The following CSMD2 variants were observed in gnomAD, a reference collection of about 807,000 sequenced individuals.
CSMD2 encodes the protein CUB and Sushi multiple domains 2, also known as CUB and sushi domain-containing protein 2.
In CSMD2, 130 loss-of-function variants were observed where a neutral mutation model predicts 398.5. The observed-to-expected ratio is 0.33, with a 90% CI of 0.28 to 0.38. The LOEUF (loss-of-function observed/expected upper bound fraction) is 0.38, where lower values mean the gene tolerates loss of function less well. CSMD2 is among the 10% of genes least tolerant of loss of function. The pLI is 1.00. For missense variants in CSMD2, 3,829 were observed against 4,764.9 expected (o/e 0.80, Z 5.78); for synonymous variants, 1,828 against 1,908.5 (o/e 0.96, Z 1.10).
In CSMD2 at chr1:33,633,923, T is replaced by A. The variant is rs1279361483; in HGVS notation, c.5087-388A>T. On this transcript the variant is annotated intron_variant, in intron 31 of 70. Coordinates refer to ENST00000373381, the MANE Select transcript of CSMD2 (RefSeq NM_001281956.2). This position sits in a 1 kb window ranked among gnomAD's most constrained non-coding sequence, Gnocchi z 5.0. ...CTCCATGCGATGTCAGGACCCCACATTCATGCGTCCCAACGTCAGTTAGTC... is the reference window on the plus strand; with the variant it reads ...CTCCATGCGATGTCAGGACCCCACAATCATGCGTCCCAACGTCAGTTAGTC... 6.6e-6 allele frequency among the ~76,000 whole-genome samples: 1 copy of A among 152,156 alleles called. No individual in the cohort carries two copies. The highest frequency in any genetic ancestry group is 1.5e-5 in the Non-Finnish European group (1 of 68,006).
chr1:33,996,134 C>T (rs983879437), intron 3 of CSMD2, among the ~76,000 whole-genome samples: 24 of 152,168 alleles, frequency 1.6e-4, no homozygotes, highest in African/African-American at 5.8e-4. Context: ...ACAGAAAATT[C>T]ACAGCAAAGG....
intron 66 of CSMD2, 30 bp downstream of exon 66, chr1:33,524,852 C>T (rs1327896617): frequency 6.2e-7 from 1 of 1,609,832 alleles, no homozygotes; most frequent in Non-Finnish European, 8.5e-7. Context: ...ATCCATCCTC[C>T]CGGCTTTCAT....
At chr1:33,740,026 T>TA (rs1439310763) in intron 14 of CSMD2, among the ~76,000 whole-genome samples, 1 of 152,136 alleles carries the variant, frequency 6.6e-6, no homozygotes, top group Non-Finnish European at 1.5e-5. Flanking sequence ...GAGCCTTAGT[T>TA]TCCTGACTGA....
At chr1:34,084,916 A>ATT (rs2148351117) in intron 2 of CSMD2, among the ~76,000 whole-genome samples, 1 of 152,328 alleles carries the variant, frequency 6.6e-6, no homozygotes, top group South Asian at 2.1e-4. Flanking sequence ...TGCTGCTGTA[A>ATT]AGACACATGT....
chr1:33,995,581 CA>C (rs1414218639), intron 3 of CSMD2, among the ~76,000 whole-genome samples: 1 of 152,104 alleles, frequency 6.6e-6, no homozygotes, highest in Non-Finnish European at 1.5e-5. Flanking sequence ...TCGATTCCTC[CA>C]AAGGTCTGAG....
At chr1:33,881,215 C>T (rs1641215422) in intron 5 of CSMD2, among the ~76,000 whole-genome samples, 1 of 152,186 alleles carries the variant, frequency 6.6e-6, no homozygotes, top group Non-Finnish European at 1.5e-5. Flanking sequence ...ATTCATTTTC[C>T]TGCAACCCTC....
intron 6 of CSMD2, chr1:33,839,948 C>T (rs111902905): frequency 1.8e-3 from 277 of 152,576 alleles, no homozygotes; most frequent in Non-Finnish European, 2.6e-3. Context: ...TTATGCACTA[C>T]GCTCAGAGAT....
intron 3 of CSMD2, among the ~76,000 whole-genome samples, chr1:34,022,383 C>A (rs929979494): frequency 2.6e-5 from 4 of 152,202 alleles, no homozygotes; most frequent in African/African-American, 9.6e-5. Context: ...CACATGCTGG[C>A]TACTATCTGG....
chr1:33,630,249 T>C (rs1420140036), intron 32 of CSMD2, among the ~76,000 whole-genome samples: 1 of 152,206 alleles, frequency 6.6e-6, no homozygotes, highest in Admixed American at 6.5e-5. Flanking sequence ...ATTATCTATC[T>C]ATCTGTTTTG....
At chr1:33,535,424 A>C (rs1222506447) in intron 62 of CSMD2, among the ~76,000 whole-genome samples, 4 of 152,238 alleles carry the variant, frequency 2.6e-5, no homozygotes, top group African/African-American at 9.6e-5. Context: ...TTGTAAAAGT[A>C]GTGTCATGCC....
chr1:33,562,421 T>C (rs1658655269), intron 53 of CSMD2, among the ~76,000 whole-genome samples: 1 of 152,178 alleles, frequency 6.6e-6, no homozygotes, highest in Admixed American at 6.5e-5. Context: ...AGCTCTTGGG[T>C]AGCAGAGGCT....
At chr1:33,936,093 C>T in intron 3 of CSMD2, 139 bp from the exon 4 acceptor site, 1 of 642,462 alleles carries the variant, frequency 1.6e-6, no homozygotes, top group Non-Finnish European at 2.6e-6. Context: ...GCATTGCCCA[C>T]TGCTGATCTG....
intron 2 of CSMD2, among the ~76,000 whole-genome samples, chr1:34,079,029 G>A (rs1232404254): frequency 2.0e-5 from 3 of 151,874 alleles, no homozygotes; most frequent in African/African-American, 7.3e-5. Flanking sequence ...CTCTTTCCTT[G>A]CCCCACGGTC....
Position 33,636,457 on chromosome 1 carries a change from G to A in CSMD2, c.4872C>T (p.Cys1624=). The part of the protein sequence containing the change: ...LKLGSSVTYY[C]HGGYEVEGTS... ...TGCCCTCAACTTCGTAGCCCCCGTGGCAGTAGTAGGTGACGGAGGAGCCCA... is the reference window on the plus strand; with the variant it reads ...TGCCCTCAACTTCGTAGCCCCCGTGACAGTAGTAGGTGACGGAGGAGCCCA... The change falls in exon 30 of 71, where the codon TGC becomes TGT. Residue 1624 remains cysteine (C), a synonymous_variant. Coordinates refer to ENST00000373381, the MANE Select transcript of CSMD2 (RefSeq NM_001281956.2). The surrounding 1 kb of genome is among the most constrained non-coding windows in gnomAD (Gnocchi z 4.8). 1.2e-6 allele frequency: 2 copies of A among 1,614,136 alleles called. No homozygotes were observed. The highest frequency in any genetic ancestry group is 1.7e-6 in the Non-Finnish European group (2 of 1,180,008).
At chr1:33,580,386 T>C (rs1638609409) in intron 48 of CSMD2, among the ~76,000 whole-genome samples, 1 of 152,252 alleles carries the variant, frequency 6.6e-6, no homozygotes, top group Admixed American at 6.5e-5. Context: ...CCTTGAAATA[T>C]AGCCCATCCT....
rs1010622011 is a variant in CSMD2, at chr1:33,514,430, C to T, written c.*2194G>A. 4 of 151,834 alleles carry T rather than the reference C, an allele frequency of 2.6e-5. No individual in the cohort carries two copies. Among genetic ancestry groups the T allele is most frequent in the African/African-American group, 9.7e-5 (4 of 41,172 alleles). 9.4% of individuals were successfully genotyped at this position (151,834 alleles called of 1,614,324 possible). On this transcript the variant is annotated 3_prime_UTR_variant, in exon 71 of 71. Coordinates refer to ENST00000373381, the MANE Select transcript of CSMD2 (RefSeq NM_001281956.2). ...GGCGTAGATGGTGGGTGAAGGGCCT[C>T]ATCTGCCCTGTTCCCTTCCAAGCCT... is the stretch of plus-strand genomic sequence containing the variant.
chr1:34,103,223 T>C (rs1660162617), intron 1 of CSMD2, among the ~76,000 whole-genome samples: 1 of 151,904 alleles, frequency 6.6e-6, no homozygotes, highest in Non-Finnish European at 1.5e-5. Context: ...ATGAATGTCA[T>C]TGCCTTCATC....
At chr1:33,851,109 AACTG>A (rs1638676457) in intron 5 of CSMD2, among the ~76,000 whole-genome samples, 1 of 152,128 alleles carries the variant, frequency 6.6e-6, no homozygotes, top group African/African-American at 2.4e-5. Flanking sequence ...CATCCCTGAA[AACTG>A]ACATCTTCAG....
intron 53 of CSMD2, among the ~76,000 whole-genome samples, chr1:33,563,288 G>A (rs1658742094): frequency 6.6e-6 from 1 of 152,092 alleles, no homozygotes; most frequent in South Asian, 2.1e-4. Context: ...TAACATAGGA[G>A]AGGATTAAGA....
Sources: gnomAD v4.1 joint callset for allele counts (sites outside exome capture counted in the v4.1 genomes callset) on GRCh38, gnomAD v4.1.1 for gene constraint, Gnocchi (gnomAD v3.1) non-coding constraint, MANE v1.5 for transcripts, NCBI Gene and HGNC (gene_info 2026-07-23, HGNC 2026-07-21) for gene names.